Variants in DPH2 observed in about 807,000 individuals in gnomAD.
DPH2 encodes the protein diphthamide biosynthesis 2.
DPH2 carries 28 observed loss-of-function variants against 42.5 expected under a neutral mutation model. That is an observed-to-expected ratio of 0.66 (90% CI 0.49 to 0.90). DPH2 has a LOEUF of 0.90. DPH2 is among the 40% of genes least tolerant of loss of function. DPH2 has a pLI of 0.00. For missense variants in DPH2, 576 were observed against 636.0 expected (o/e 0.91, Z 1.01); for synonymous variants, 279 against 264.4 (o/e 1.06, Z -0.53).
Position 43,971,865 on chromosome 1 carries a change from G to A in DPH2, c.963G>A (p.Arg321=). Residue 321 remains arginine, a synonymous_variant, in exon 4 of 6, where the codon CGG becomes CGA. Coordinates refer to ENST00000255108, the MANE Select transcript of DPH2 (RefSeq NM_001384.5). ...GKRSYVLALG[R]PTPAKLANFP... ...GTAGCTATGTGTTGGCCCTGGGGCG[G>A]CCCACCCCTGCCAAGCTTGCCAACT... is the stretch of plus-strand genomic sequence containing the variant. 6.2e-7 allele frequency: 1 copy of A among 1,614,100 alleles called. No homozygotes were observed. The highest frequency in any genetic ancestry group is 1.3e-5 in the African/African-American group (1 of 75,060).
rs1225415364 is a variant in DPH2, at chr1:43,971,655, T to C, written c.753T>C (p.Cys251=). 6.2e-7 allele frequency: 1 copy of C among 1,614,110 alleles called. No homozygotes were observed. The highest frequency in any genetic ancestry group is 2.2e-5 in the East Asian group (1 of 44,886). The change falls in exon 4 of 6, where the codon TGT becomes TGC. Residue 251 remains cysteine (C), a synonymous_variant. Coordinates refer to ENST00000255108, the MANE Select transcript of DPH2 (RefSeq NM_001384.5). The stretch of plus-strand genomic sequence containing the variant: ...CAGGTCAACCCTTCTCCTCCTGCTG[T>C]CCAGATACAGGGAAGACTCAGGATG... ...WAPGQPFSSC[C]PDTGKTQDEG...
chr1:43,971,438 G>A lies in DPH2; in HGVS notation c.536G>A (p.Ser179Asn), dbSNP rs1270622734. ...CGGTACCTGGACCTGCTAGTCTCCAGCCCAGCTTTTCCCCAACCAGTGGGT... is the reference window on the plus strand; with the variant it reads ...CGGTACCTGGACCTGCTAGTCTCCAACCCAGCTTTTCCCCAACCAGTGGGT... ...RPRYLDLLVS[S>N]PAFPQPVGSL... The change falls in exon 4 of 6, where the codon AGC (serine) becomes AAC (asparagine). Residue 179 changes from serine (S) to asparagine (N), a missense_variant. Ser to Asn is a conservative substitution (Grantham distance 46). This residue lies in a region of DPH2 where 395 missense variants were observed against 435.2 expected (regional missense o/e 0.91). Coordinates refer to ENST00000255108, the MANE Select transcript of DPH2 (RefSeq NM_001384.5). 6.2e-7 allele frequency: 1 copy of A among 1,610,322 alleles called. No homozygotes were observed. The highest frequency in any genetic ancestry group is 2.2e-5 in the East Asian group (1 of 44,746).
chr1:43,972,050 A>G lies in DPH2; in HGVS notation c.1148A>G (p.His383Arg), dbSNP rs1359279573. The G allele has an allele frequency of 1.2e-6, 2 of 1,613,852 alleles. No individual in the cohort carries two copies. Among genetic ancestry groups the G allele is most frequent in the Non-Finnish European group, 1.7e-6 (2 of 1,179,876 alleles). Residue 383 changes from histidine (H) to arginine (R), a missense_variant, in exon 4 of 6, where the codon CAT (histidine) becomes CGT (arginine). By Grantham distance (29) the His-to-Arg change is conservative. Around this residue, in one of 3 missense-constraint regions of DPH2, gnomAD observed 178 missense variants for 184.4 expected, o/e 0.97. Transcript: ENST00000255108. Reference protein sequence around the residue: ...PPPGLAPHLTHYADLLPGSPF... With the variant: ...PPPGLAPHLTRYADLLPGSPF... ...CCAGGCCTGGCTCCCCACCTCACAC[A>G]TTATGCGGACTTATTGCCTGGTGAG...
intron 3 of DPH2, 35 bp from the exon 4 acceptor site, chr1:43,971,352 G>C: frequency 7.8e-6 from 12 of 1,545,094 alleles, no homozygotes; most frequent in Non-Finnish European, 1.0e-5. Flanking sequence ...TGCTTTGCCA[G>C]GCTCCAACCT....
At chr1:43,970,476 GC>G in intron 1 of DPH2, 119 bp from the exon 2 acceptor site, 1 of 1,509,700 alleles carries the variant, frequency 6.6e-7, no homozygotes, top group South Asian at 1.2e-5. Context: ...ACTACGTGGG[GC>G]AGAGTGCCCC....
Position 43,970,704 on chromosome 1 carries a change from G to C in DPH2, c.256G>C (p.Gly86Arg), listed in dbSNP as rs765438963. 1.2e-6 allele frequency: 2 copies of C among 1,614,124 alleles called. No individual in the cohort carries two copies. Among genetic ancestry groups the C allele is most frequent in the Non-Finnish European group, 1.7e-6 (2 of 1,180,000 alleles). The change falls in exon 2 of 6, where the codon GGC (glycine) becomes CGC (arginine). Residue 86 changes from glycine to arginine, a missense_variant. Around this residue, in one of 3 missense-constraint regions of DPH2, gnomAD observed 395 missense variants for 435.2 expected, o/e 0.91. Coordinates refer to ENST00000255108, the MANE Select transcript of DPH2 (RefSeq NM_001384.5). ...GTTCATTCTGGGTGACACAGCCTAC[G>C]GCAGGTGTGAACTTGGCCTTAGGTG... Reference protein sequence around the residue: ...KMFILGDTAYGSCCVDVLGAE... With the variant: ...KMFILGDTAYRSCCVDVLGAE...
rs199939707 is a variant in DPH2 at position 43,970,569 on chromosome 1, C to T, written c.148-27C>T. The stretch of plus-strand genomic sequence containing the variant: ...AAGCCCTCAGTGGGAGAGAGGCTGT[C>T]CCTGACTCCATGGTTTATGCTTATA... On this transcript the variant is annotated intron_variant, in intron 1 of 5. Transcript: ENST00000255108. The T allele has an allele frequency of 7.1e-4, 1,146 of 1,608,846 alleles. 22 individuals are homozygous for T. In the South Asian group the frequency reaches 0.012, roughly 17 times the overall value.
rs577143943 is a variant in DPH2, at chr1:43,970,339, G to A, written c.147+17G>A. ...TGTGAACGAGTGAGGACAGACTTAGGGAAGGGTGGCTCGCCTCTGTCGGGA... is the reference window on the plus strand; with the variant it reads ...TGTGAACGAGTGAGGACAGACTTAGAGAAGGGTGGCTCGCCTCTGTCGGGA... On this transcript the variant is annotated intron_variant, in intron 1 of 5. Coordinates refer to ENST00000255108, the MANE Select transcript of DPH2 (RefSeq NM_001384.5). 1.2e-5 allele frequency: 20 copies of A among 1,611,620 alleles called. No homozygotes were observed. The East Asian group carries it at 4.2e-4, about 34-fold the overall frequency.
intron 5 of DPH2, 37 bp downstream of exon 5, chr1:43,972,371 T>C: frequency 6.2e-7 from 1 of 1,613,498 alleles, no homozygotes; most frequent in Non-Finnish European, 8.5e-7. Flanking sequence ...CTGAGCTTTT[T>C]CTCCAGATGC....
At position 43,972,507 on chromosome 1, in the gene DPH2, G is replaced by T; in HGVS notation, c.1438G>T (p.Ala480Ser). Residue 480 changes from alanine (A) to serine (S), a missense_variant, in exon 6 of 6, where the codon GCC (alanine) becomes TCC (serine). Ala to Ser is a moderately conservative substitution (Grantham distance 99). This residue lies in a region of DPH2 where 178 missense variants were observed against 184.4 expected (regional missense o/e 0.97). Coordinates refer to ENST00000255108, the MANE Select transcript of DPH2 (RefSeq NM_001384.5). ...TEAVSGRRGI[A>S]IAYEDEGSG is the part of the protein sequence containing the mutation. ...AGCTGTGAGTGGAAGACGAGGGATT[G>T]CCATCGCCTATGAGGATGAGGGAAG... 1 of 1,614,262 alleles carries T rather than the reference G, an allele frequency of 6.2e-7. No individual in the cohort carries two copies. The highest frequency in any genetic ancestry group is 1.1e-5 in the South Asian group (1 of 91,082).
In DPH2 at chr1:43,970,023, G is replaced by A; in HGVS notation, c.-153G>A. On this transcript the variant is annotated 5_prime_UTR_variant, in exon 1 of 6. Coordinates refer to ENST00000255108, the MANE Select transcript of DPH2 (RefSeq NM_001384.5). ...TAGCGGAGAAACAGTAGTTAGGATG[G>A]CTGAAGGGGATACTCACCGGCTGAA... is the stretch of plus-strand genomic sequence containing the variant. 3 of 855,072 alleles carry A rather than the reference G, an allele frequency of 3.5e-6. No homozygotes were observed. Among genetic ancestry groups the A allele is most frequent in the Non-Finnish European group, 5.3e-6 (3 of 570,934 alleles). 53.0% of individuals were successfully genotyped at this position (855,072 alleles called of 1,614,324 possible).
rs1435530695 is a variant in DPH2, at chr1:43,973,092, C to T, written c.*553C>T. The T allele has an allele frequency of 6.5e-6, 1 of 154,334 alleles. No individual in the cohort carries two copies. Among genetic ancestry groups the T allele is most frequent in the African/African-American group, 2.4e-5 (1 of 41,442 alleles). 9.6% of individuals were successfully genotyped at this position (154,334 alleles called of 1,614,324 possible). A position where few individuals can be genotyped will look rare whatever the true frequency, so the allele number is the denominator to read the frequency against. ...ATGTTATCTGTGGGGGAAAATTGCC[C>T]TCAATTGAGAACCACTGGTCTAGCT... On this transcript the variant is annotated 3_prime_UTR_variant, in exon 6 of 6. Transcript: ENST00000255108.
chr1:43,971,604 G>A lies in DPH2; in HGVS notation c.702G>A (p.Leu234=), dbSNP rs1001653886. The A allele has an allele frequency of 5.6e-6, 9 of 1,613,862 alleles. No individual in the cohort carries two copies. Among genetic ancestry groups the A allele is most frequent in the Non-Finnish European group, 7.6e-6 (9 of 1,179,848 alleles). Residue 234 remains leucine, a synonymous_variant, in exon 4 of 6, where the codon CTG becomes CTA. Coordinates refer to ENST00000255108, the MANE Select transcript of DPH2 (RefSeq NM_001384.5). ...CTGACCCAGACCTTGACCCAGACCT[G>A]AGTCGGCTGCTCTTGGGGTGGGCAC... The part of the protein sequence containing the change: ...ASPDPDLDPD[L]SRLLLGWAPG...
Position 43,972,305 on chromosome 1 carries a change from A to G in DPH2, c.1316A>G (p.Gln439Arg). The G allele has an allele frequency of 6.2e-7, 1 of 1,614,134 alleles. No homozygotes were observed. Among genetic ancestry groups the G allele is most frequent in the Non-Finnish European group, 8.5e-7 (1 of 1,180,018 alleles). ...AGCTTGGCTCTGACCCCACGGCCCC[A>G]GCTGGAGCTGGCTGAGAGCAGTCCT... ...HGSLALTPRP[Q>R]LELAESSPAA... Residue 439 changes from glutamine (Q) to arginine (R), a missense_variant, in exon 5 of 6, where the codon CAG (glutamine) becomes CGG (arginine). Physicochemically the swap from Gln to Arg is conservative, Grantham distance 43 (BLOSUM62 1). Coordinates refer to ENST00000255108, the MANE Select transcript of DPH2 (RefSeq NM_001384.5).
chr1:43,971,259 A>G (rs1338810623), intron 3 of DPH2, 70 bp downstream of exon 3: 5 of 1,531,272 alleles, frequency 3.3e-6, no homozygotes, highest in Non-Finnish European at 4.4e-6. Context: ...CCCCATTTCC[A>G]TATACCATCC....
chr1:43,971,639 C>G lies in DPH2; in HGVS notation c.737C>G (p.Pro246Arg). Residue 246 changes from proline to arginine, a missense_variant, in exon 4 of 6, where the codon CCC becomes CGC. By Grantham distance (103) the Pro-to-Arg change is moderately radical. Around this residue, in one of 3 missense-constraint regions of DPH2, gnomAD observed 395 missense variants for 435.2 expected, o/e 0.91. Transcript: ENST00000255108. Reference sequence around the variant, plus strand: ...CTCTTGGGGTGGGCACCAGGTCAACCCTTCTCCTCCTGCTGTCCAGATACA... The same window carrying G: ...CTCTTGGGGTGGGCACCAGGTCAACGCTTCTCCTCCTGCTGTCCAGATACA... The part of the protein sequence containing the change: ...RLLLGWAPGQ[P>R]FSSCCPDTGK... The G allele has an allele frequency of 1.9e-6, 3 of 1,614,166 alleles. No homozygotes were observed. Among genetic ancestry groups the G allele is most frequent in the South Asian group, 2.2e-5 (2 of 91,088 alleles).
chr1:43,970,802 C>T (rs931204152), intron 2 of DPH2, 94 bp downstream of exon 2: 13 of 1,348,450 alleles, frequency 9.6e-6, no homozygotes, highest in Admixed American at 8.4e-5. Context: ...GGTGGTGTTT[C>T]TCCTTGATGA....
At position 43,971,642 on chromosome 1, in the gene DPH2, TCTC is replaced by T. The variant is rs2085428439; in HGVS notation, c.746_748del (p.Ser249del). 1 of 1,613,976 alleles carries T rather than the reference TCTC, an allele frequency of 6.2e-7. No individual in the cohort carries two copies. Among genetic ancestry groups the T allele is most frequent in the African/African-American group, 1.3e-5 (1 of 74,920 alleles). On this transcript the variant is annotated inframe_deletion, in exon 4 of 6. Transcript: ENST00000255108. ...TTGGGGTGGGCACCAGGTCAACCCT[TCTC>T]CTCCTGCTGTCCAGATACAGGGAAG...
In DPH2 at chr1:43,970,270, T is replaced by A. The variant is rs768515197; in HGVS notation, c.95T>A (p.Val32Glu). Residue 32 changes from valine to glutamate, a missense_variant, in exon 1 of 6, where the codon GTG becomes GAG. Around this residue, in one of 3 missense-constraint regions of DPH2, gnomAD observed 395 missense variants for 435.2 expected, o/e 0.91. Coordinates refer to ENST00000255108, the MANE Select transcript of DPH2 (RefSeq NM_001384.5). ...ACTCCTCTTCCGGACCTGGACGGAG[T>A]GTACGAGCTGGAGCGAGTCGCTGGA... ...LLTPLPDLDG[V>E]YELERVAGFV... 3 of 1,613,896 alleles carry A rather than the reference T, an allele frequency of 1.9e-6. No homozygotes were observed. The highest frequency in any genetic ancestry group is 2.5e-6 in the Non-Finnish European group (3 of 1,179,992).
Sources: allele counts gnomAD v4.1 joint callset, GRCh38; gene constraint gnomAD v4.1.1; regional missense constraint gnomAD v4.1.1; transcripts MANE v1.5; gene names NCBI Gene and HGNC (gene_info 2026-07-23, HGNC 2026-07-21).